CASZ1: variants seen among roughly 807,000 people sequenced by gnomAD.
CASZ1 encodes the protein castor zinc finger 1.
Under a neutral mutation model 135.2 loss-of-function variants are expected in CASZ1, and 28 were observed. That is an observed-to-expected ratio of 0.21 (90% CI 0.15 to 0.28). The LOEUF (loss-of-function observed/expected upper bound fraction) is 0.28, where lower values mean the gene tolerates loss of function less well. Among genes scored for constraint, CASZ1 ranks in the 10% least tolerant of loss-of-function variants. CASZ1 has a pLI of 1.00. For synonymous variants in CASZ1, 1,068 were observed against 1,073.4 expected, an observed-to-expected ratio of 0.99 and a Z score of 0.10; for missense variants, 2,161 against 2,453.3, an observed-to-expected ratio of 0.88 and a Z score of 2.52.
rs1642060575 is a variant in CASZ1 at position 10,638,266 on chromosome 1, C to A, written c.*676G>T. 1.3e-5 allele frequency: 2 copies of A among 152,308 alleles called. No individual in the cohort carries two copies. The highest frequency in any genetic ancestry group is 4.1e-4 in the South Asian group (2 of 4,830). 9.4% of individuals were successfully genotyped at this position (152,308 alleles called of 1,614,324 possible). The stretch of plus-strand genomic sequence containing the variant: ...GCCGAGACCCCGCCCCGGCCCCCAG[C>A]GGGCTACTCTGGGTTTTGGACGCAG... On this transcript the variant is annotated 3_prime_UTR_variant, in exon 21 of 21. Transcript: ENST00000377022. This position sits in a 1 kb window ranked among gnomAD's most constrained non-coding sequence, Gnocchi z 5.9.
chr1:10,682,420 G>C (rs906856696), intron 4 of CASZ1, among the ~76,000 whole-genome samples: 3 of 152,182 alleles, frequency 2.0e-5, no homozygotes, highest in South Asian at 4.1e-4. Flanking sequence ...ACTCCTGGGG[G>C]CCCGGCGGAA....
In CASZ1 at chr1:10,756,118, C is replaced by T. The variant is rs1276624282; in HGVS notation, c.-77+4583G>A. ...CCCAGGAAGACTGGCTGACACGCCC[C>T]TCGGAGCCAGGCAGAGGCACCAGCT... On this transcript the variant is annotated intron_variant, in intron 2 of 20. Transcript: ENST00000377022. This position sits in a 1 kb window ranked among gnomAD's most constrained non-coding sequence, Gnocchi z 5.9. Among the ~76,000 whole-genome samples the T allele has an allele frequency of 6.6e-6, 1 of 152,130 alleles. No individual in the cohort carries two copies. The highest frequency in any genetic ancestry group is 1.5e-5 in the Non-Finnish European group (1 of 68,006).
chr1:10,734,810 C>T (rs889538774), intron 2 of CASZ1, among the ~76,000 whole-genome samples: 1 of 152,198 alleles, frequency 6.6e-6, no homozygotes, highest in African/African-American at 2.4e-5. Context: ...ATGGCACAGT[C>T]CATGCCATTA....
chr1:10,715,566 TCCAATCCGCACCTCACAGCAC>T (rs1639364399), intron 2 of CASZ1, among the ~76,000 whole-genome samples: 1 of 22,998 alleles, frequency 4.3e-5, no homozygotes, highest in African/African-American at 1.9e-4. Flanking sequence ...CCCCACAGCA[TCCAATCCGCACCTCACAGCAC>T]CCAATCCGCA....
rs543794703 is a variant in CASZ1 at position 10,735,734 on chromosome 1, G to A, written c.-77+24967C>T. Reference sequence around the variant, plus strand: ...AGGTCAAATGCTTTTCAAGTCACGGGCATCTGCCTACCAAGGGACAGGCCC... The same window carrying A: ...AGGTCAAATGCTTTTCAAGTCACGGACATCTGCCTACCAAGGGACAGGCCC... On this transcript the variant is annotated intron_variant, in intron 2 of 20. Transcript: ENST00000377022. This position sits in a 1 kb window ranked among gnomAD's most constrained non-coding sequence, Gnocchi z 5.1. Among the ~76,000 whole-genome samples, 2 of 152,300 alleles carry A rather than the reference G, an allele frequency of 1.3e-5. No individual in the cohort carries two copies. The highest frequency in any genetic ancestry group is 2.1e-4 in the South Asian group (1 of 4,826).
At chr1:10,680,233 C>CGATG (rs1043914073) in intron 4 of CASZ1, among the ~76,000 whole-genome samples, 16 of 138,778 alleles carry the variant, frequency 1.2e-4, no homozygotes, top group African/African-American at 4.0e-4. Flanking sequence ...GAAGGCCTTA[C>CGATG]GATGCTGCCG....
At chr1:10,766,424 C>T (rs921925225) in intron 1 of CASZ1, among the ~76,000 whole-genome samples, 30 of 152,300 alleles carry the variant, frequency 2.0e-4, no homozygotes, top group Admixed American at 1.2e-3. Context: ...CTCTGCGAAC[C>T]GTCATGAGGA....
chr1:10,648,254 T>C lies in CASZ1; in HGVS notation c.3159-115A>G, dbSNP rs1642439243. 5.4e-6 allele frequency: 4 copies of C among 742,364 alleles called. No homozygotes were observed. The South Asian group carries it at 7.8e-5, about 14-fold the overall frequency. 46.0% of individuals were successfully genotyped at this position (742,364 alleles called of 1,614,324 possible). ...CGGTGTCCGTCCCTACTCGTCCCCA[T>C]CACTCAGCTCCAGAAGTCCCCTGTG... On this transcript the variant is annotated intron_variant, in intron 15 of 20. Transcript: ENST00000377022.
intron 4 of CASZ1, 151 bp from the exon 5 acceptor site, chr1:10,665,722 A>G (rs957343202): frequency 4.9e-5 from 41 of 835,220 alleles, no homozygotes; most frequent in African/African-American, 6.9e-5. Context: ...GCATGTGTCT[A>G]TCTCCCCCAC....
Position 10,724,434 on chromosome 1 carries a change from G to A in CASZ1, c.-76-18890C>T, listed in dbSNP as rs960178559. On this transcript the variant is annotated intron_variant, in intron 2 of 20. Coordinates refer to ENST00000377022, the MANE Select transcript of CASZ1 (RefSeq NM_001079843.3). The surrounding 1 kb of genome is among the most constrained non-coding windows in gnomAD (Gnocchi z 4.1). ...TAGAAAGCAAAATAAGGTAACCTGA[G>A]CTATTAAACCCGGGGGCCAGGTGGT... is the stretch of plus-strand genomic sequence containing the variant. 6.6e-6 allele frequency among the ~76,000 whole-genome samples: 1 copy of A among 152,212 alleles called. No homozygotes were observed. Among genetic ancestry groups the A allele is most frequent in the Non-Finnish European group, 1.5e-5 (1 of 68,042 alleles).
intron 2 of CASZ1, among the ~76,000 whole-genome samples, chr1:10,716,037 A>ACAGCACCCAATCCGCAC (rs1639384882): frequency 2.8e-4 from 4 of 14,250 alleles, no homozygotes; most frequent in Non-Finnish European, 4.1e-4. Context: ...CCAATCCACA[A>ACAGCACCCAATCCGCAC]CCCACAGCAC....
intron 6 of CASZ1, among the ~76,000 whole-genome samples, chr1:10,658,934 A>G (rs910205261): frequency 4.3e-4 from 66 of 152,168 alleles, no homozygotes; most frequent in Non-Finnish European, 1.8e-4. Flanking sequence ...GGGGGCAGGC[A>G]GCTGGGCAGG....
At chr1:10,671,342 G>A (rs1312785365) in intron 4 of CASZ1, among the ~76,000 whole-genome samples, 4 of 152,196 alleles carry the variant, frequency 2.6e-5, no homozygotes, top group African/African-American at 7.2e-5. Flanking sequence ...ACACACGCTC[G>A]GATGCCTGTG....
At chr1:10,642,607 C>T (rs1034453452) in intron 20 of CASZ1, among the ~76,000 whole-genome samples, 3 of 152,010 alleles carry the variant, frequency 2.0e-5, no homozygotes, top group Non-Finnish European at 2.9e-5. Flanking sequence ...GCGCTGCTCC[C>T]GCTGTGGCTC....
At chr1:10,732,957 T>A (rs1369210388) in intron 2 of CASZ1, among the ~76,000 whole-genome samples, 2 of 151,786 alleles carry the variant, frequency 1.3e-5, no homozygotes, top group African/African-American at 4.8e-5. Flanking sequence ...TCCCTGGGGG[T>A]AACCAGGCTG....
At position 10,648,073 on chromosome 1, in the gene CASZ1, G is replaced by T; in HGVS notation, c.3225C>A (p.Ala1075=). 1 of 1,586,570 alleles carries T rather than the reference G, an allele frequency of 6.3e-7. No individual in the cohort carries two copies. The highest frequency in any genetic ancestry group is 8.6e-7 in the Non-Finnish European group (1 of 1,167,038). Residue 1075 remains alanine, a synonymous_variant, in exon 16 of 21, where the codon GCC becomes GCA. Coordinates refer to ENST00000377022, the MANE Select transcript of CASZ1 (RefSeq NM_001079843.3). ...GGGCCATGGGAGGTTTGGTCTCGGC[G>T]GCCGAGGCCGGAAAGGCAGCCTCTG... ...GNTEAAFPAS[A]AETKPPMAPS...
chr1:10,692,663 T>TC (rs377095570), intron 4 of CASZ1, among the ~76,000 whole-genome samples: 12 of 151,958 alleles, frequency 7.9e-5, no homozygotes, highest in African/African-American at 2.9e-4. Flanking sequence ...AAATGACACC[T>TC]CCCCCCAACA....
At chr1:10,703,918 G>C (rs1639114161) in intron 3 of CASZ1, among the ~76,000 whole-genome samples, 2 of 152,176 alleles carry the variant, frequency 1.3e-5, no homozygotes, top group African/African-American at 4.8e-5. Flanking sequence ...TGGGTCAAAG[G>C]GCTCTGCCAA....
chr1:10,793,262 G>A (rs1640996407), intron 1 of CASZ1, among the ~76,000 whole-genome samples: 1 of 151,928 alleles, frequency 6.6e-6, no homozygotes, highest in Non-Finnish European at 1.5e-5. Context: ...GGGGGTGGTG[G>A]TGAAATGATC....
Sources: gnomAD v4.1 joint callset for allele counts (sites outside exome capture counted in the v4.1 genomes callset) on GRCh38, gnomAD v4.1.1 for gene constraint, Gnocchi (gnomAD v3.1) non-coding constraint, MANE v1.5 for transcripts, NCBI Gene and HGNC (gene_info 2026-07-23, HGNC 2026-07-21) for gene names.